Variants in CSPP1 observed in about 807,000 individuals in gnomAD.
CSPP1 encodes centrosome and spindle pole associated protein 1.
Under a neutral mutation model 164.4 loss-of-function variants are expected in CSPP1, and 126 were observed. The ratio of observed to expected loss-of-function variants is 0.77; its 90% CI spans 0.66 to 0.89. CSPP1 has a LOEUF of 0.89. Ranked by LOEUF, CSPP1 falls within the 40% of genes least tolerant of loss-of-function variation. The probability of loss-of-function intolerance (pLI) is 0.00; values close to 1 mark genes in which losing one functional copy is unlikely to be tolerated. For synonymous variants in CSPP1, 472 were observed against 476.7 expected (o/e 0.99, Z 0.13); for missense variants, 1,395 against 1,449.8 (o/e 0.96, Z 0.61).
chr8:67,100,016 A>C (rs920223025), intron 7 of CSPP1, among the ~76,000 whole-genome samples: 5 of 152,156 alleles, frequency 3.3e-5, no homozygotes, highest in African/African-American at 1.2e-4. Flanking sequence ...ATAAAATTGA[A>C]TAGTATCCCT....
chr8:67,168,585 A>G lies in CSPP1; in HGVS notation c.2829-3831A>G, dbSNP rs1405194789. Among the ~76,000 whole-genome samples the G allele has an allele frequency of 5.3e-5, 8 of 152,362 alleles. No homozygotes were observed. In the East Asian group the frequency reaches 1.3e-3, roughly 26 times the overall value. The stretch of plus-strand genomic sequence containing the variant: ...ACTCTTAAGTTCTAACTTAAGTTAT[A>G]AAACATGTTACATTTATCATCATTT... On this transcript the variant is annotated intron_variant, in intron 24 of 30. Transcript: ENST00000678616.
At chr8:67,165,793 G>C (rs1048169360) in intron 24 of CSPP1, among the ~76,000 whole-genome samples, 6 of 152,186 alleles carry the variant, frequency 3.9e-5, no homozygotes, top group Admixed American at 2.0e-4. Flanking sequence ...TGTTTGCCAG[G>C]ATTCTCCACT....
At chr8:67,127,721 A>G (rs1054973438) in intron 15 of CSPP1, among the ~76,000 whole-genome samples, 21 of 152,208 alleles carry the variant, frequency 1.4e-4, no homozygotes, top group Non-Finnish European at 2.5e-4. Flanking sequence ...CATCCCTCCA[A>G]TAAGATCCTT....
chr8:67,108,874 A>G (rs976062347), intron 9 of CSPP1, among the ~76,000 whole-genome samples: 2 of 152,130 alleles, frequency 1.3e-5, no homozygotes, highest in African/African-American at 4.8e-5. Context: ...ACTGGGTCCA[A>G]GCTGATTTTC....
intron 15 of CSPP1, among the ~76,000 whole-genome samples, chr8:67,131,683 A>G (rs1821264978): frequency 6.6e-6 from 1 of 152,220 alleles, no homozygotes; most frequent in Non-Finnish European, 1.5e-5. Context: ...CTGTTCAATG[A>G]ATTACCACAA....
chr8:67,135,635 T>C (rs1467400180), intron 16 of CSPP1: 1 of 152,242 alleles, frequency 6.6e-6, no homozygotes, highest in African/African-American at 2.4e-5. Flanking sequence ...GCTGGTTTGA[T>C]CTTCTATTTA....
Position 67,103,027 on chromosome 8 carries a change from T to A in CSPP1, c.924-10T>A. 1.3e-6 allele frequency: 2 copies of A among 1,541,994 alleles called. No individual in the cohort carries two copies. Among genetic ancestry groups the A allele is most frequent in the Non-Finnish European group, 1.8e-6 (2 of 1,114,698 alleles). On this transcript the variant is annotated splice_polypyrimidine_tract_variant and intron_variant, in intron 7 of 30. Transcript: ENST00000678616. ...GTGGCACATGCTTTATAAGCTAATG[T>A]GTTTTTAAGGATGCACAGGAACAAA...
At position 67,192,083 on chromosome 8, in the gene CSPP1, T is replaced by G. The variant is rs191530323; in HGVS notation, c.3330+1324T>G. On this transcript the variant is annotated intron_variant, in intron 29 of 30. Coordinates refer to ENST00000678616, the MANE Select transcript of CSPP1 (RefSeq NM_001382391.1). ...GCTGATTTGTTTTTTTTTTTGTTTT[T>G]TTTTTTTGATACAGAGTCCTGCTCT... is the stretch of plus-strand genomic sequence containing the variant. 3.9e-3 allele frequency among the ~76,000 whole-genome samples: 588 copies of G among 151,126 alleles called. 7 individuals are homozygous for G. Among genetic ancestry groups the G allele is most frequent in the South Asian group, 0.038 (181 of 4,764 alleles).
chr8:67,098,320 T>G (rs1291015984), intron 7 of CSPP1, among the ~76,000 whole-genome samples: 1 of 151,004 alleles, frequency 6.6e-6, no homozygotes, highest in East Asian at 1.9e-4. Context: ...TTCCTAAAAG[T>G]CAGCATCTGG....
chr8:67,113,401 TA>T (rs1296464349), intron 10 of CSPP1, among the ~76,000 whole-genome samples: 1 of 152,182 alleles, frequency 6.6e-6, no homozygotes, highest in Non-Finnish European at 1.5e-5. Context: ...ACATCATTTT[TA>T]AAAAAACCCT....
rs1361878544 is a variant in CSPP1, at chr8:67,195,561, ACTTGGCAGGGC to A, written c.3652_3662del (p.Trp1218ValfsTer8). 3 of 1,614,014 alleles carry A rather than the reference ACTTGGCAGGGC, an allele frequency of 1.9e-6. No individual in the cohort carries two copies. The highest frequency in any genetic ancestry group is 2.7e-5 in the African/African-American group (2 of 74,920). On this transcript the variant is annotated frameshift_variant, in exon 31 of 31. Coordinates refer to ENST00000678616, the MANE Select transcript of CSPP1 (RefSeq NM_001382391.1). LOFTEE classifies it high-confidence loss of function. The stretch of plus-strand genomic sequence containing the variant: ...GATTCCTGGAAAACCAGGCACTTTC[ACTTGGCAGGGC>A]CTGTCGACTGCACATGGTTAAAATA...
intron 28 of CSPP1, 68 bp from the exon 29 acceptor site, chr8:67,190,582 C>T: frequency 8.6e-7 from 1 of 1,169,098 alleles, no homozygotes; most frequent in Non-Finnish European, 1.3e-6. Flanking sequence ...TTAAAAGGCT[C>T]TTGGTTTAGC....
At chr8:67,185,486 T>G (rs1180767455) in intron 28 of CSPP1, among the ~76,000 whole-genome samples, 5 of 152,156 alleles carry the variant, frequency 3.3e-5, no homozygotes, top group South Asian at 2.1e-4. Flanking sequence ...ACTGGCAACT[T>G]TGAAAATGTA....
intron 4 of CSPP1, among the ~76,000 whole-genome samples, chr8:67,087,072 T>C (rs1183494555): frequency 6.6e-6 from 1 of 152,198 alleles, no homozygotes; most frequent in African/African-American, 2.4e-5. Flanking sequence ...TTACTTTTGA[T>C]TCCTGCTTTG....
intron 7 of CSPP1, among the ~76,000 whole-genome samples, chr8:67,097,757 T>C (rs1813120952): frequency 6.6e-6 from 1 of 151,998 alleles, no homozygotes; most frequent in African/African-American, 2.4e-5. Context: ...AACTAACAAA[T>C]GAATATCATT....
Position 67,105,904 on chromosome 8 carries a change from G to A in CSPP1, c.1023-1G>A. On this transcript the variant is annotated splice_acceptor_variant, in intron 8 of 30. Coordinates refer to ENST00000678616, the MANE Select transcript of CSPP1 (RefSeq NM_001382391.1). LOFTEE classifies it high-confidence loss of function. ...CTTTTTCTCTGTCTTTTTTTCTTTA[G>A]TGCTCCAGACAATGAAACATCCAAA... is the stretch of plus-strand genomic sequence containing the variant. 1 of 1,530,042 alleles carries A rather than the reference G, an allele frequency of 6.5e-7. No homozygotes were observed. Among genetic ancestry groups the A allele is most frequent in the East Asian group, 2.3e-5 (1 of 44,372 alleles). The allele number at this position is 1,530,042 out of a possible 1,614,324, so 94.8% of individuals were successfully genotyped here. A position where few individuals can be genotyped will look rare whatever the true frequency, so the allele number is the denominator to read the frequency against.
At chr8:67,165,281 C>G (rs1448362354) in intron 24 of CSPP1, among the ~76,000 whole-genome samples, 1 of 152,192 alleles carries the variant, frequency 6.6e-6, no homozygotes, top group Non-Finnish European at 1.5e-5. Flanking sequence ...GAGACTCTGT[C>G]TCACGAAGAA....
At chr8:67,067,468 T>C (rs1805816135) in intron 1 of CSPP1, among the ~76,000 whole-genome samples, 2 of 152,178 alleles carry the variant, frequency 1.3e-5, no homozygotes, top group Non-Finnish European at 2.9e-5. Flanking sequence ...TTTGTTTGTT[T>C]GTTTTGGTTT....
At chr8:67,087,723 A>G (rs1810697435) in intron 4 of CSPP1, among the ~76,000 whole-genome samples, 1 of 152,214 alleles carries the variant, frequency 6.6e-6, no homozygotes, top group East Asian at 1.9e-4. Flanking sequence ...ATAATGATGT[A>G]TATAGGATAG....
Sources: allele counts gnomAD v4.1 joint callset (sites outside exome capture counted in the v4.1 genomes callset), GRCh38; gene constraint gnomAD v4.1.1; transcripts MANE v1.5; gene names NCBI Gene and HGNC (gene_info 2026-07-23, HGNC 2026-07-21).